TMEM8B: variants seen among roughly 807,000 people sequenced by gnomAD.
TMEM8B encodes transmembrane protein 8B, also known as nasopharyngeal carcinoma expressed 6.
Under a neutral mutation model 49.3 loss-of-function variants are expected in TMEM8B, and 29 were observed. The observed-to-expected ratio is 0.59, with a 90% CI of 0.44 to 0.80. The LOEUF is 0.80. TMEM8B is among the 30% of genes least tolerant of loss of function. TMEM8B has a pLI of 0.00. For synonymous variants in TMEM8B, 264 were observed against 272.8 expected, an observed-to-expected ratio of 0.97 and a Z score of 0.32; for missense variants, 575 against 658.5, an observed-to-expected ratio of 0.87 and a Z score of 1.39.
At position 35,860,155 on chromosome 9, in the gene TMEM8B, T is replaced by A. The variant is rs1286440572; in HGVS notation, c.*6315T>A. ...GGACTTCAGATCTGCAATCTGGCCT[T>A]CTCAGCGCTGCAGTTCTGTGGACGT... On this transcript the variant is annotated 3_prime_UTR_variant, in exon 13 of 13. Coordinates refer to ENST00000643932, the MANE Select transcript of TMEM8B (RefSeq NM_001042590.4). 1 of 152,226 alleles carries A rather than the reference T, an allele frequency of 6.6e-6. No homozygotes were observed. The highest frequency in any genetic ancestry group is 1.5e-5 in the Non-Finnish European group (1 of 68,050). 9.4% of individuals were successfully genotyped at this position (152,226 alleles called of 1,614,324 possible). A position where few individuals can be genotyped will look rare whatever the true frequency, so the allele number is the denominator to read the frequency against.
At chr9:35,839,506 G>T (rs1448828235) in intron 3 of TMEM8B, among the ~76,000 whole-genome samples, 2 of 152,170 alleles carry the variant, frequency 1.3e-5, no homozygotes, top group Non-Finnish European at 2.9e-5. Context: ...GAAGAGGGGG[G>T]ACTGGCTGTG....
In TMEM8B at chr9:35,861,376, C is replaced by G. The variant is rs1832651743; in HGVS notation, c.*7536C>G. 1 of 152,876 alleles carries G rather than the reference C, an allele frequency of 6.5e-6. No homozygotes were observed. Among genetic ancestry groups the G allele is most frequent in the Non-Finnish European group, 1.5e-5 (1 of 68,458 alleles). The allele number at this position is 152,876 out of a possible 1,614,324, so 9.5% of individuals were successfully genotyped here. A position where few individuals can be genotyped will look rare whatever the true frequency, so the allele number is the denominator to read the frequency against. ...TCTGCCCATTCTCCAGAGCCCAGCA[C>G]TGCTCCATCTCTTTTCCTCCCTCTC... On this transcript the variant is annotated 3_prime_UTR_variant, in exon 13 of 13. Coordinates refer to ENST00000643932, the MANE Select transcript of TMEM8B (RefSeq NM_001042590.4).
intron 1 of TMEM8B, among the ~76,000 whole-genome samples, chr9:35,832,241 C>T (rs943218615): frequency 3.3e-5 from 5 of 150,486 alleles, no homozygotes; most frequent in African/African-American, 9.8e-5. Flanking sequence ...TCGGAATTAC[C>T]CTAGCTTCAT....
At position 35,853,240 on chromosome 9, in the gene TMEM8B, A is replaced by G; in HGVS notation, c.2422A>G (p.Ile808Val). The stretch of plus-strand genomic sequence containing the variant: ...TGGACCCAGTCTCTTCGCCCTGGGG[A>G]TCTTGGCCACAGCCTGGGTAAGGGT... ...LLGPSLFALG[I>V]LATAWTVRSV... is the part of the protein sequence containing the mutation. The change falls in exon 12 of 13, where the codon ATC (isoleucine) becomes GTC (valine). Residue 808 changes from isoleucine (I) to valine (V), a missense_variant. Ile to Val is a conservative substitution (Grantham distance 29). Transcript: ENST00000643932. This position sits in a 1 kb window ranked among gnomAD's most constrained non-coding sequence, Gnocchi z 4.2. 6.2e-7 allele frequency: 1 copy of G among 1,613,698 alleles called. No homozygotes were observed. Among genetic ancestry groups the G allele is most frequent in the Non-Finnish European group, 8.5e-7 (1 of 1,179,778 alleles).
rs1312630569 is a variant in TMEM8B at position 35,858,173 on chromosome 9, C to G, written c.*4333C>G. On this transcript the variant is annotated 3_prime_UTR_variant, in exon 13 of 13. Transcript: ENST00000643932. ...AGGCTGGAGTGCAGTGGCGCCATCT[C>G]AGCTCACTGCAGCCTCCACCTCCCA... The G allele has an allele frequency of 6.7e-6, 1 of 148,832 alleles. No individual in the cohort carries two copies. The highest frequency in any genetic ancestry group is 2.5e-5 in the African/African-American group (1 of 40,280). The allele number at this position is 148,832 out of a possible 1,614,324, so 9.2% of individuals were successfully genotyped here.
rs749389889 is a variant in TMEM8B at position 35,852,989 on chromosome 9, G to T, written c.2322+16G>T. The T allele has an allele frequency of 3.1e-6, 5 of 1,614,040 alleles. No individual in the cohort carries two copies. In the East Asian group the frequency reaches 1.1e-4, roughly 36 times the overall value. On this transcript the variant is annotated intron_variant, in intron 11 of 12. Transcript: ENST00000643932. ...GGTCAAGCAGGTCAGTCCAGAGTGG[G>T]CCCTGGGGAACAACCATGGCCAAGT...
At chr9:35,833,299 T>C in intron 1 of TMEM8B, 1 of 985,398 alleles carries the variant, frequency 1.0e-6, no homozygotes, top group Non-Finnish European at 1.2e-6. Flanking sequence ...GGGTCTGTCC[T>C]GAAGCTGCTG....
Position 35,829,359 on chromosome 9 carries a change from GC to G in TMEM8B, c.-87del. The G allele has an allele frequency of 2.7e-6, 1 of 369,520 alleles. No homozygotes were observed. Among genetic ancestry groups the G allele is most frequent in the East Asian group, 3.9e-5 (1 of 25,618 alleles). The allele number at this position is 369,520 out of a possible 1,614,324, so 22.9% of individuals were successfully genotyped here. ...CCCCGGGCCCGCGAGGACACCGGAG[GC>G]CACCCCCCGGGGGTGGGGAGCGGAG... On this transcript the variant is annotated 5_prime_UTR_variant, in exon 1 of 13. Transcript: ENST00000643932.
chr9:35,830,653 G>GT (rs1452242803), intron 1 of TMEM8B, among the ~76,000 whole-genome samples: 1 of 96,188 alleles, frequency 1.0e-5, no homozygotes, highest in Non-Finnish European at 2.4e-5. Flanking sequence ...TCATACTAGT[G>GT]TGTTTTTTTT....
intron 10 of TMEM8B, among the ~76,000 whole-genome samples, chr9:35,851,215 C>T (rs1367063412): frequency 1.3e-5 from 2 of 152,068 alleles, no homozygotes; most frequent in East Asian, 1.9e-4. Context: ...TCAAGCAATC[C>T]TCCCACCTCA....
At chr9:35,830,319 G>A (rs555390247) in intron 1 of TMEM8B, among the ~76,000 whole-genome samples, 2 of 152,308 alleles carry the variant, frequency 1.3e-5, no homozygotes, top group East Asian at 3.9e-4. Flanking sequence ...CTAGTGTAGT[G>A]TGGGAATATA....
rs1829606553 is a variant in TMEM8B, at chr9:35,829,416, T to TGGCCTGTCCGGCCCCGCCCC, written c.-31_-12dup. ...GGCCAGCTCTGCGAGCGCCCCGCGC[T>TGGCCTGTCCGGCCCCGCCCC]GGCCTGTCCGGCCCCGCCCCCGCCC... On this transcript the variant is annotated 5_prime_UTR_variant, in exon 1 of 13. Coordinates refer to ENST00000643932, the MANE Select transcript of TMEM8B (RefSeq NM_001042590.4). 6 of 332,820 alleles carry TGGCCTGTCCGGCCCCGCCCC rather than the reference T, an allele frequency of 1.8e-5. No individual in the cohort carries two copies. The highest frequency in any genetic ancestry group is 1.4e-4 in the African/African-American group (6 of 44,186). The allele number at this position is 332,820 out of a possible 1,614,324, so 20.6% of individuals were successfully genotyped here. A position where few individuals can be genotyped will look rare whatever the true frequency, so the allele number is the denominator to read the frequency against.
rs150905471 is a variant in TMEM8B, at chr9:35,844,434, C to T, written c.1636-1541C>T. The stretch of plus-strand genomic sequence containing the variant: ...CCTTTTAACTCTACTATCCTCCAGC[C>T]CTGAGAGCAGGGACCGCTTTCCCAT... On this transcript the variant is annotated intron_variant, in intron 6 of 12. Transcript: ENST00000643932. 7.2e-3 allele frequency among the ~76,000 whole-genome samples: 1,093 copies of T among 152,354 alleles called. 11 individuals are homozygous for T. Among genetic ancestry groups the T allele is most frequent in the African/African-American group, 0.025 (1,023 of 41,574 alleles).
At position 35,862,628 on chromosome 9, in the gene TMEM8B, A is replaced by C. The variant is rs963666201; in HGVS notation, c.*8788A>C. 1.3e-5 allele frequency: 2 copies of C among 152,352 alleles called. No individual in the cohort carries two copies. The highest frequency in any genetic ancestry group is 6.5e-5 in the Admixed American group (1 of 15,292). The allele number at this position is 152,352 out of a possible 1,614,324, so 9.4% of individuals were successfully genotyped here. Reference sequence around the variant, plus strand: ...AGACCACTCCCTGTCTTTTGGACAAAGCCTGTGTGCTCCAGTCCCATCCCT... The same window carrying C: ...AGACCACTCCCTGTCTTTTGGACAACGCCTGTGTGCTCCAGTCCCATCCCT... On this transcript the variant is annotated 3_prime_UTR_variant, in exon 13 of 13. Transcript: ENST00000643932.
In TMEM8B at chr9:35,842,475, C is replaced by A; in HGVS notation, c.1393C>A (p.Pro465Thr). The A allele has an allele frequency of 6.3e-7, 1 of 1,594,626 alleles. No homozygotes were observed. Among genetic ancestry groups the A allele is most frequent in the Non-Finnish European group, 8.6e-7 (1 of 1,167,560 alleles). Residue 465 changes from proline to threonine, a missense_variant, in exon 6 of 13, where the codon CCC becomes ACC. By Grantham distance (38) the Pro-to-Thr change is conservative. Transcript: ENST00000643932. The surrounding 1 kb of genome is among the most constrained non-coding windows in gnomAD (Gnocchi z 5.6). Reference sequence around the variant, plus strand: ...CCAGTCCCTGGGCAACCAGCCACTGCCCCCAGAACCGCCATCCCTTGGAAC... The same window carrying A: ...CCAGTCCCTGGGCAACCAGCCACTGACCCCAGAACCGCCATCCCTTGGAAC... Reference protein sequence around the residue: ...MPQSLGNQPLPPEPPSLGTPA... With the variant: ...MPQSLGNQPLTPEPPSLGTPA...
chr9:35,838,222 T>C (rs1314081312), intron 3 of TMEM8B, among the ~76,000 whole-genome samples: 1 of 152,186 alleles, frequency 6.6e-6, no homozygotes. Context: ...ACAAAAGATA[T>C]ACAGTGGAAA....
Position 35,856,378 on chromosome 9 carries a change from C to T in TMEM8B, c.*2538C>T, listed in dbSNP as rs1400434355. On this transcript the variant is annotated 3_prime_UTR_variant, in exon 13 of 13. Coordinates refer to ENST00000643932, the MANE Select transcript of TMEM8B (RefSeq NM_001042590.4). ...TATTTACTCCGGGCACTGAATAGTT[C>T]AGTGTGCCTGGGCCAGTGCATGTGC... The T allele has an allele frequency of 6.6e-6, 1 of 152,214 alleles. No homozygotes were observed. Among genetic ancestry groups the T allele is most frequent in the African/African-American group, 2.4e-5 (1 of 41,424 alleles). 9.4% of individuals were successfully genotyped at this position (152,214 alleles called of 1,614,324 possible). A position where few individuals can be genotyped will look rare whatever the true frequency, so the allele number is the denominator to read the frequency against.
intron 7 of TMEM8B, 55 bp downstream of exon 7, chr9:35,846,123 G>C (rs1161426827): frequency 1.9e-6 from 3 of 1,610,402 alleles, no homozygotes; most frequent in East Asian, 4.5e-5. Context: ...TGGTGGTGGC[G>C]GGCAGAGGTG....
chr9:35,846,269 G>C lies in TMEM8B; in HGVS notation c.1741G>C (p.Gly581Arg). 1 of 1,614,184 alleles carries C rather than the reference G, an allele frequency of 6.2e-7. No individual in the cohort carries two copies. The highest frequency in any genetic ancestry group is 8.5e-7 in the Non-Finnish European group (1 of 1,180,032). The change falls in exon 8 of 13, where the codon GGC (glycine) becomes CGC (arginine). Residue 581 changes from glycine (G) to arginine (R), a missense_variant. By Grantham distance (125) the Gly-to-Arg change is moderately radical. Coordinates refer to ENST00000643932, the MANE Select transcript of TMEM8B (RefSeq NM_001042590.4). ...AVTCSKESLA[G>R]FLLSVSATTR... Reference sequence around the variant, plus strand: ...CCTTCTCCCTTCAGAGTCCCTGGCCGGCTTCCTCCTCTCTGTCAGTGCCAC... The same window carrying C: ...CCTTCTCCCTTCAGAGTCCCTGGCCCGCTTCCTCCTCTCTGTCAGTGCCAC...
Sources: gnomAD v4.1 joint callset for allele counts (sites outside exome capture counted in the v4.1 genomes callset) on GRCh38, gnomAD v4.1.1 for gene constraint, Gnocchi (gnomAD v3.1) non-coding constraint, MANE v1.5 for transcripts, NCBI Gene and HGNC (gene_info 2026-07-23, HGNC 2026-07-21) for gene names.